The following ZFHX3 variants were observed in gnomAD, a reference collection of about 807,000 sequenced individuals.
The protein encoded by ZFHX3 is zinc finger homeobox 3.
In ZFHX3, 42 loss-of-function variants were observed where a neutral mutation model predicts 279.1. The ratio of observed to expected loss-of-function variants is 0.15; its 90% confidence interval spans 0.12 to 0.19. The LOEUF (loss-of-function observed/expected upper bound fraction) is 0.19. ZFHX3 is among the 10% of genes least tolerant of loss of function. The probability of loss-of-function intolerance (pLI) is 1.00; values close to 1 mark genes in which losing one functional copy is unlikely to be tolerated. For synonymous variants in ZFHX3, 2,293 were observed against 1,957.8 expected (o/e 1.17, Z -4.52); for missense variants, 4,981 against 4,754.0 (o/e 1.05, Z -1.40).
At chr16:72,899,653 A>T (rs953413153) in intron 3 of ZFHX3, among the ~76,000 whole-genome samples, 3 of 152,034 alleles carry the variant, frequency 2.0e-5, no homozygotes, top group Admixed American at 1.3e-4. Flanking sequence ...CCCAGTTGAA[A>T]ACCCTCACTC....
intron 4 of ZFHX3, among the ~76,000 whole-genome samples, chr16:72,843,468 G>A (rs2037397083): frequency 1.5e-5 from 2 of 136,340 alleles, no homozygotes; most frequent in African/African-American, 2.8e-5. Flanking sequence ...CCGAGATCCC[G>A]CCACTGCACT....
At chr16:73,442,765 G>A (rs2018116603) in intron 3 of ZFHX3, among the ~76,000 whole-genome samples, 1 of 152,278 alleles carries the variant, frequency 6.6e-6, no homozygotes, top group African/African-American at 2.4e-5. Context: ...AGCACCATGA[G>A]CGCAGGATCC....
chr16:73,028,134 T>G (rs917836605), intron 1 of ZFHX3, among the ~76,000 whole-genome samples: 10 of 152,250 alleles, frequency 6.6e-5, no homozygotes, highest in Middle Eastern at 3.4e-3. Flanking sequence ...CTCCTTTTTT[T>G]GGGGGAGTGT....
At chr16:72,822,776 C>T (rs945871106) in intron 5 of ZFHX3, among the ~76,000 whole-genome samples, 2 of 144,026 alleles carry the variant, frequency 1.4e-5, no homozygotes, top group Non-Finnish European at 3.0e-5. Context: ...TTACATATGA[C>T]AACACTTCTA....
At chr16:73,093,267 A>G in exon 8 of ZFHX3, 1 of 502,332 alleles carries the variant, frequency 2.0e-6, no homozygotes, top group South Asian at 1.5e-5. Flanking sequence ...CTCAAAGGCC[A>G]CGTGCCACCC....
Position 72,958,728 on chromosome 16 carries a change from T to TCCG in ZFHX3, c.1415_1417dup (p.Ala472dup). 5 of 1,612,644 alleles carry TCCG rather than the reference T, an allele frequency of 3.1e-6. No individual in the cohort carries two copies. Among genetic ancestry groups the TCCG allele is most frequent in the Non-Finnish European group, 4.2e-6 (5 of 1,179,040 alleles). On this transcript the variant is annotated inframe_insertion, in exon 2 of 10. Transcript: ENST00000268489. ...CTCCTCCTCTTCTTCCTCCTCCTCC[T>TCCG]CCGCCTCTTCCTCCTCCTCTTCCTC...
intron 3 of ZFHX3, among the ~76,000 whole-genome samples, chr16:73,433,454 G>A (rs1013902382): frequency 3.3e-5 from 5 of 152,104 alleles, no homozygotes; most frequent in African/African-American, 7.2e-5. Flanking sequence ...TCAGCAAGGC[G>A]CCCAATGAGG....
chr16:73,609,008 G>A (rs573631763), intron 2 of ZFHX3: 15 of 152,238 alleles, frequency 9.9e-5, no homozygotes, highest in Non-Finnish European at 1.9e-4. Context: ...CAGCAGTAGT[G>A]ACTGACTTTA....
At chr16:73,323,741 T>A (rs1231486907) in intron 3 of ZFHX3, among the ~76,000 whole-genome samples, 1 of 151,640 alleles carries the variant, frequency 6.6e-6, no homozygotes, top group Non-Finnish European at 1.5e-5. Context: ...AGAAGGAGGA[T>A]CACTTCCAGC....
chr16:73,805,932 G>C (rs570232497), intron 1 of ZFHX3, among the ~76,000 whole-genome samples: 1 of 152,296 alleles, frequency 6.6e-6, no homozygotes, highest in African/African-American at 2.4e-5. Flanking sequence ...CCATTCTCAG[G>C]CTGCTAATAA....
chr16:73,888,109 A>G (rs1045818921), intron 1 of ZFHX3, among the ~76,000 whole-genome samples: 1 of 152,182 alleles, frequency 6.6e-6, no homozygotes, highest in Non-Finnish European at 1.5e-5. Context: ...CAAGCTATAA[A>G]GCTCAAATGT....
chr16:73,448,299 C>CT (rs1366359299), intron 3 of ZFHX3, among the ~76,000 whole-genome samples: 2 of 152,144 alleles, frequency 1.3e-5, no homozygotes, highest in African/African-American at 4.8e-5. Flanking sequence ...AAACAACTAT[C>CT]TTTTTTAGTA....
At chr16:72,948,244 G>C (rs1960801608) in intron 3 of ZFHX3, among the ~76,000 whole-genome samples, 1 of 152,174 alleles carries the variant, frequency 6.6e-6, no homozygotes, top group Admixed American at 6.5e-5. Context: ...TGAACCTCAG[G>C]CTGGTCACTC....
intron 2 of ZFHX3, among the ~76,000 whole-genome samples, chr16:73,629,880 T>C (rs2052451959): frequency 6.6e-6 from 1 of 152,190 alleles, no homozygotes; most frequent in Admixed American, 6.5e-5. Context: ...GAACTGATAG[T>C]CTCTTTCAAC....
chr16:73,684,673 T>A (rs895862717), intron 1 of ZFHX3, among the ~76,000 whole-genome samples: 5 of 151,154 alleles, frequency 3.3e-5, no homozygotes, highest in Admixed American at 1.3e-4. Context: ...TATCTGCATG[T>A]GCCCCTGCAA....
chr16:72,935,877 AG>A (rs1172132957), intron 3 of ZFHX3, among the ~76,000 whole-genome samples: 13 of 152,206 alleles, frequency 8.5e-5, no homozygotes, highest in Non-Finnish European at 1.9e-4. Context: ...CTTACAACTA[AG>A]CAGAGAAGAA....
rs138489855 is a variant in ZFHX3, at chr16:72,983,083, G to A, written c.-49-22889C>T. Among the ~76,000 whole-genome samples, 88 of 152,166 alleles carry A rather than the reference G, an allele frequency of 5.8e-4. 2 individuals carry two copies. The highest frequency in any genetic ancestry group is 3.5e-3 in the East Asian group (18 of 5,178). On this transcript the variant is annotated intron_variant, in intron 1 of 9. Coordinates refer to ENST00000268489, the MANE Select transcript of ZFHX3 (RefSeq NM_006885.4). ...CGGCTTCTTCCCCGTCAGGAATGTC[G>A]CTTATTCTATGGGTGTGAGCAGTTT...
chr16:73,236,486 G>A (rs1349442606), intron 5 of ZFHX3, among the ~76,000 whole-genome samples: 1 of 152,086 alleles, frequency 6.6e-6, no homozygotes, highest in Non-Finnish European at 1.5e-5. Flanking sequence ...GCTACTTGCG[G>A]GGCTGAAGCA....
chr16:73,498,981 C>T (rs2143660829), intron 2 of ZFHX3, among the ~76,000 whole-genome samples: 1 of 152,268 alleles, frequency 6.6e-6, no homozygotes, highest in South Asian at 2.1e-4. Flanking sequence ...CACCCATAAC[C>T]CATTCCCCAA....
Sources: gnomAD v4.1 joint callset for allele counts (sites outside exome capture counted in the v4.1 genomes callset) on GRCh38, gnomAD v4.1.1 for gene constraint, MANE v1.5 for transcripts, NCBI Gene and HGNC (gene_info 2026-07-23, HGNC 2026-07-21) for gene names.